KIAA1549: variants seen among roughly 807,000 people sequenced by gnomAD.
KIAA1549 encodes KIAA1549, also known as UPF0606 protein KIAA1549.
Under a neutral mutation model 156.4 loss-of-function variants are expected in KIAA1549, and 70 were observed. That is an observed-to-expected ratio of 0.45 (90% CI 0.37 to 0.55). The LOEUF (loss-of-function observed/expected upper bound fraction) is 0.55. Among genes scored for constraint, KIAA1549 ranks in the 20% least tolerant of loss-of-function variants. The pLI is 0.00. For missense variants in KIAA1549, 2,428 were observed against 2,540.9 expected, an observed-to-expected ratio of 0.96 and a Z score of 0.96; for synonymous variants, 1,103 against 1,066.4, an observed-to-expected ratio of 1.03 and a Z score of -0.67.
Position 138,917,581 on chromosome 7 carries a change from T to TGA in KIAA1549, c.2043_2044dup (p.Gln682LeufsTer24). The TGA allele has an allele frequency of 1.2e-6, 2 of 1,613,904 alleles. No homozygotes were observed. The highest frequency in any genetic ancestry group is 1.7e-6 in the Non-Finnish European group (2 of 1,179,894). Reference sequence around the variant, plus strand: ...ATTTGTGGAACTGGGAAGAGACAGCTGAGATGACTGCAGATCACTAGAGTC... The same window carrying TGA: ...ATTTGTGGAACTGGGAAGAGACAGCTGAGAGATGACTGCAGATCACTAGAGTC... On this transcript the variant is annotated frameshift_variant, in exon 2 of 20. Transcript: ENST00000422774. LOFTEE classifies it high-confidence loss of function.
intron 9 of KIAA1549, among the ~76,000 whole-genome samples, chr7:138,897,200 G>T (rs1001315441): frequency 6.6e-6 from 1 of 152,224 alleles, no homozygotes; most frequent in East Asian, 1.9e-4. Context: ...CATATATGAA[G>T]AACTGTAACG....
chr7:138,948,694 C>CTTTTTTT (rs11325172), intron 1 of KIAA1549, among the ~76,000 whole-genome samples: 2 of 138,184 alleles, frequency 1.4e-5, no homozygotes, highest in Non-Finnish European at 3.1e-5. Context: ...TGTTTTGTGG[C>CTTTTTTT]TTTTTTTTTT....
Position 138,881,551 on chromosome 7 carries a change from CA to C in KIAA1549, c.4065del (p.Phe1355LeufsTer15). On this transcript the variant is annotated frameshift_variant, in exon 11 of 20. Transcript: ENST00000422774. LOFTEE classifies it high-confidence loss of function. ...TTGTGCTGACCCAGATGCTGCTTAGCAAAATCGAAGCCCTTCACACTAGGGA... is the reference window on the plus strand; with the variant it reads ...TTGTGCTGACCCAGATGCTGCTTAGCAAATCGAAGCCCTTCACACTAGGGA... ...LQIPSVKGFD[F>X]AKQHLGQHNK... is the part of the protein sequence containing the mutation. 1 of 1,613,758 alleles carries C rather than the reference CA, an allele frequency of 6.2e-7. No homozygotes were observed. The highest frequency in any genetic ancestry group is 2.2e-5 in the East Asian group (1 of 44,882).
chr7:138,839,173 T>C (rs1809834695), intron 19 of KIAA1549, among the ~76,000 whole-genome samples: 1 of 152,186 alleles, frequency 6.6e-6, no homozygotes, highest in Non-Finnish European at 1.5e-5. Flanking sequence ...TTAATGTCTT[T>C]TTACTAGGTA....
At position 138,899,090 on chromosome 7, in the gene KIAA1549, G is replaced by C. The variant is rs537082322; in HGVS notation, c.3712C>G (p.Gln1238Glu). 1 of 1,613,804 alleles carries C rather than the reference G, an allele frequency of 6.2e-7. No homozygotes were observed. Among genetic ancestry groups the C allele is most frequent in the African/African-American group, 1.3e-5 (1 of 75,018 alleles). ...TGATCCTCCACAAAGTAGATGAGCT[G>C]TACCGGATTGTCATCTCCCTCCAGC... The part of the protein sequence containing the change: ...SRLEGDDNPV[Q>E]LIYFVEDQDG... The change falls in exon 9 of 20, where the codon CAG becomes GAG. Residue 1238 changes from glutamine (Q) to glutamate (E), a missense_variant. This residue lies in a region of KIAA1549 where 762 missense variants were observed against 901.6 expected (regional missense o/e 0.85). Transcript: ENST00000422774.
intron 13 of KIAA1549, 94 bp downstream of exon 13, chr7:138,871,063 T>C: frequency 4.2e-6 from 5 of 1,199,826 alleles, no homozygotes; most frequent in Non-Finnish European, 5.9e-6. Flanking sequence ...GCGATCTGCC[T>C]GCCTTGGCCC....
At chr7:138,902,499 A>G (rs1811870475) in intron 8 of KIAA1549, among the ~76,000 whole-genome samples, 3 of 152,220 alleles carry the variant, frequency 2.0e-5, no homozygotes, top group Non-Finnish European at 4.4e-5. Flanking sequence ...AAAAATCCAC[A>G]TAATTCATAT....
intron 1 of KIAA1549, among the ~76,000 whole-genome samples, chr7:138,951,268 G>C (rs1017626341): frequency 3.9e-5 from 6 of 152,074 alleles, no homozygotes; most frequent in Non-Finnish European, 8.8e-5. Flanking sequence ...CCCGGACAGG[G>C]CATCACAGGA....
At chr7:138,862,080 G>GA (rs1810601413) in intron 15 of KIAA1549, among the ~76,000 whole-genome samples, 1 of 152,022 alleles carries the variant, frequency 6.6e-6, no homozygotes, top group African/African-American at 2.4e-5. Context: ...TTTATGTATT[G>GA]AAAAAAACTA....
intron 1 of KIAA1549, among the ~76,000 whole-genome samples, chr7:138,979,364 C>G (rs1474755280): frequency 1.2e-4 from 18 of 152,190 alleles, no homozygotes; most frequent in Non-Finnish European, 4.4e-5. Flanking sequence ...CTGCAGTACA[C>G]CCAGATGGCC....
At chr7:138,903,792 AGTGTGTGTGT>A (rs55745123) in intron 7 of KIAA1549, 56 bp from the exon 8 acceptor site, 13,285 of 1,192,292 alleles carry the variant, frequency 0.011, 253 homozygotes, top group East Asian at 0.038. Context: ...GTAAAAAAAC[AGTGTGTGTGT>A]GTGTGTGTGT....
intron 12 of KIAA1549, among the ~76,000 whole-genome samples, chr7:138,873,992 AT>A: frequency 6.7e-6 from 1 of 148,362 alleles, no homozygotes; most frequent in Non-Finnish European, 1.5e-5. Flanking sequence ...ATTAGTATAT[AT>A]TTTTGTTTAT....
chr7:138,965,915 G>A (rs1008096107), intron 1 of KIAA1549, among the ~76,000 whole-genome samples: 3 of 152,042 alleles, frequency 2.0e-5, no homozygotes, highest in African/African-American at 7.2e-5. Context: ...CTCCACACCT[G>A]AGTGCCTGCT....
intron 1 of KIAA1549, among the ~76,000 whole-genome samples, chr7:138,950,702 C>T (rs1376324116): frequency 6.6e-5 from 10 of 152,142 alleles, no homozygotes; most frequent in African/African-American, 2.4e-5. Flanking sequence ...CAAAGGTGGC[C>T]GAGGCCCGCC....
intron 12 of KIAA1549, among the ~76,000 whole-genome samples, chr7:138,874,578 A>C (rs1226013374): frequency 6.6e-6 from 1 of 152,230 alleles, no homozygotes; most frequent in Non-Finnish European, 1.5e-5. Flanking sequence ...ACAGAAGGAT[A>C]AACACTGCAC....
rs2130465924 is a variant in KIAA1549, at chr7:138,911,184, G to C, written c.3107C>G (p.Ser1036Cys). 6.3e-7 allele frequency: 1 copy of C among 1,599,846 alleles called. No homozygotes were observed. The highest frequency in any genetic ancestry group is 1.1e-5 in the South Asian group (1 of 87,668). Residue 1036 changes from serine to cysteine, a missense_variant, in exon 4 of 20, where the codon TCT becomes TGT. This residue lies in a region of KIAA1549 where 762 missense variants were observed against 901.6 expected (regional missense o/e 0.85). Coordinates refer to ENST00000422774, the MANE Select transcript of KIAA1549 (RefSeq NM_001164665.2). ...QTPLILSVKPSFLVPESRFQV... is the reference protein window; with the variant it reads ...QTPLILSVKPCFLVPESRFQV... ...GAACCTGGACTCTGGCACAAGGAAA[G>C]AAGGTTTCACAGACAGGATTAAAGG... is the stretch of plus-strand genomic sequence containing the variant.
chr7:138,889,301 A>C (rs57282750), intron 10 of KIAA1549, among the ~76,000 whole-genome samples: 21,529 of 152,142 alleles, frequency 0.14, 2,275 homozygotes, highest in African/African-American at 0.29. Context: ...TAGGCACCTA[A>C]ATGTCTTCCC....
chr7:138,902,707 G>A (rs1811875874), intron 8 of KIAA1549, among the ~76,000 whole-genome samples: 2 of 152,266 alleles, frequency 1.3e-5, no homozygotes, highest in East Asian at 3.9e-4. Flanking sequence ...TACTCAGGAG[G>A]CTGAGGCAAA....
At chr7:138,913,824 AG>A in intron 2 of KIAA1549, among the ~76,000 whole-genome samples, 1 of 152,104 alleles carries the variant, frequency 6.6e-6, no homozygotes, top group Non-Finnish European at 1.5e-5. Flanking sequence ...TAGATCTGAA[AG>A]GGAAAGATAA....
Sources: allele counts gnomAD v4.1 joint callset (sites outside exome capture counted in the v4.1 genomes callset), GRCh38; gene constraint gnomAD v4.1.1; regional missense constraint gnomAD v4.1.1; transcripts MANE v1.5; gene names NCBI Gene and HGNC (gene_info 2026-07-23, HGNC 2026-07-21).